Variants in WDR35 observed in about 807,000 individuals in gnomAD.
WDR35 encodes WD repeat domain 35.
WDR35 carries 118 observed loss-of-function variants against 158.3 expected under a neutral mutation model. That is an observed-to-expected ratio of 0.75 (90% CI 0.64 to 0.87). WDR35 has a LOEUF of 0.87. WDR35 is among the 40% of genes least tolerant of loss of function. The pLI, the probability that WDR35 is intolerant of heterozygous loss-of-function variation, is 0.00. For synonymous variants in WDR35, 448 were observed against 476.1 expected, an observed-to-expected ratio of 0.94 and a Z score of 0.77; for missense variants, 1,263 against 1,405.8, an observed-to-expected ratio of 0.90 and a Z score of 1.62.
chr2:19,931,637 C>T (rs919783215), intron 23 of WDR35, among the ~76,000 whole-genome samples: 4 of 152,052 alleles, frequency 2.6e-5, no homozygotes, highest in African/African-American at 9.7e-5. Context: ...AGTTGGAATT[C>T]AGATCACTCT....
intron 10 of WDR35, among the ~76,000 whole-genome samples, chr2:19,963,585 AC>A (rs2103440050): frequency 6.6e-6 from 1 of 151,718 alleles, no homozygotes; most frequent in East Asian, 1.9e-4. Flanking sequence ...ACTGGTGTCC[AC>A]TCTACTGTTT....
Position 19,945,854 on chromosome 2 carries a change from C to G in WDR35, c.1777G>C (p.Asp593His). ...ATCATTGCAAACAAATCAGGATTAT[C>G]TTTGGCCCACTTCATATCCCAGACA... ...RDVWDMKWAK[D>H]NPDLFAMMEK... is the part of the protein sequence containing the mutation. The change falls in exon 16 of 27, where the codon GAT becomes CAT. Residue 593 changes from aspartate to histidine, a missense_variant. Transcript: ENST00000281405. 1 of 1,614,010 alleles carries G rather than the reference C, an allele frequency of 6.2e-7. No individual in the cohort carries two copies. The highest frequency in any genetic ancestry group is 8.5e-7 in the Non-Finnish European group (1 of 1,179,894).
At chr2:19,950,122 T>A (rs1671189874) in intron 13 of WDR35, among the ~76,000 whole-genome samples, 2 of 152,100 alleles carry the variant, frequency 1.3e-5, no homozygotes, top group African/African-American at 4.8e-5. Context: ...CAGGTTTTTT[T>A]AAAAAAGGTA....
Position 19,953,880 on chromosome 2 carries a change from A to G in WDR35, c.1354T>C (p.Leu452=), listed in dbSNP as rs1348669765. 2.7e-5 allele frequency: 43 copies of G among 1,614,130 alleles called. No homozygotes were observed. The highest frequency in any genetic ancestry group is 5.0e-5 in the Admixed American group (3 of 60,030). Residue 452 remains leucine (L), a synonymous_variant, in exon 12 of 27, where the codon TTG becomes CTG. Coordinates refer to ENST00000281405, the MANE Select transcript of WDR35 (RefSeq NM_020779.4). ...QYRVAKKLTA[L]EINQITRSRK... is the part of the protein sequence containing the mutation. The stretch of plus-strand genomic sequence containing the variant: ...GACCGTGTGATCTGATTAATTTCCA[A>G]TGCTGTGAGCTTCTTTGCCACACGA...
intron 2 of WDR35, among the ~76,000 whole-genome samples, chr2:19,984,930 G>A (rs1011051516): frequency 3.3e-5 from 5 of 152,138 alleles, no homozygotes; most frequent in Admixed American, 2.0e-4. Flanking sequence ...TACCATATTC[G>A]CCAGATTCTC....
At chr2:19,966,312 C>T (rs576012243) in intron 10 of WDR35, among the ~76,000 whole-genome samples, 3 of 152,184 alleles carry the variant, frequency 2.0e-5, no homozygotes, top group East Asian at 3.9e-4. Flanking sequence ...AGCAATATAA[C>T]TCCAAAGTAG....
intron 10 of WDR35, chr2:19,962,322 C>A: frequency 1.9e-6 from 3 of 1,612,984 alleles, no homozygotes; most frequent in East Asian, 2.2e-5. Context: ...CCATCTCGTT[C>A]TCCTCCTTTG....
chr2:19,927,795 GCAGA>G (rs1183765765), intron 25 of WDR35, among the ~76,000 whole-genome samples: 1 of 152,240 alleles, frequency 6.6e-6, no homozygotes, highest in African/African-American at 2.4e-5. Flanking sequence ...TAAAGGAGCT[GCAGA>G]CAGATTAGCA....
chr2:19,973,235 T>C (rs908093001), intron 8 of WDR35, among the ~76,000 whole-genome samples: 28 of 152,058 alleles, frequency 1.8e-4, no homozygotes, highest in African/African-American at 6.5e-4. Context: ...AACTATATTA[T>C]ACTAAATACT....
At chr2:19,938,424 A>G (rs1171325020) in intron 17 of WDR35, 23 bp from the exon 18 acceptor site, 1 of 1,612,790 alleles carries the variant, frequency 6.2e-7, no homozygotes, top group Non-Finnish European at 8.5e-7. Context: ...ATGAAAACAA[A>G]AAAATTCAAA....
At chr2:19,969,660 T>C in intron 8 of WDR35, 55 bp from the exon 9 acceptor site, 1 of 1,569,328 alleles carries the variant, frequency 6.4e-7, no homozygotes, top group East Asian at 2.2e-5. Context: ...GAAATACAAA[T>C]TACCACCAAT....
chr2:19,959,526 G>A (rs1265246476), intron 11 of WDR35, among the ~76,000 whole-genome samples: 2 of 151,902 alleles, frequency 1.3e-5, no homozygotes, highest in African/African-American at 4.8e-5. Context: ...TGCCTATGTA[G>A]CAATGAATGT....
At chr2:19,933,211 G>A (rs200556674) in intron 22 of WDR35, among the ~76,000 whole-genome samples, 190 bp downstream of exon 22, 1 of 152,188 alleles carries the variant, frequency 6.6e-6, no homozygotes, top group South Asian at 2.1e-4. Context: ...ACTTTAAGAG[G>A]TAAGTGCAAC....
intron 25 of WDR35, among the ~76,000 whole-genome samples, chr2:19,919,163 G>A (rs184272209): frequency 1.9e-4 from 29 of 152,090 alleles, no homozygotes; most frequent in African/African-American, 5.3e-4. Flanking sequence ...GGTGGGTCAC[G>A]AGGTCAGGAG....
intron 25 of WDR35, among the ~76,000 whole-genome samples, chr2:19,918,965 C>A (rs1477821365): frequency 1.3e-5 from 2 of 152,168 alleles, no homozygotes; most frequent in Non-Finnish European, 2.9e-5. Flanking sequence ...CACCACATGG[C>A]AGTTATTCTA....
At chr2:19,980,895 A>G in intron 3 of WDR35, 112 bp from the exon 4 acceptor site, 3 of 916,126 alleles carry the variant, frequency 3.3e-6, no homozygotes, top group Middle Eastern at 2.7e-4. Context: ...CTGTACAGCT[A>G]ACTAGTCTTT....
chr2:19,972,815 G>T (rs1672073234), intron 8 of WDR35, among the ~76,000 whole-genome samples: 1 of 151,984 alleles, frequency 6.6e-6, no homozygotes, highest in South Asian at 2.1e-4. Flanking sequence ...AGCCAACAGG[G>T]TATTCAAAAG....
chr2:19,966,629 G>A (rs1671861577), intron 10 of WDR35, 95 bp downstream of exon 10: 1 of 1,409,588 alleles, frequency 7.1e-7, no homozygotes. Flanking sequence ...ATGTTTTGAT[G>A]TACTTGCCAG....
intron 16 of WDR35, among the ~76,000 whole-genome samples, chr2:19,944,931 T>C (rs1671000086): frequency 6.6e-6 from 1 of 152,144 alleles, no homozygotes; most frequent in African/African-American, 2.4e-5. Flanking sequence ...CAAATGGAAA[T>C]TAATGATATA....
Sources: gnomAD v4.1 joint callset for allele counts (sites outside exome capture counted in the v4.1 genomes callset) on GRCh38, gnomAD v4.1.1 for gene constraint, MANE v1.5 for transcripts, NCBI Gene and HGNC (gene_info 2026-07-23, HGNC 2026-07-21) for gene names.